Variants in CDH4 observed in about 807,000 individuals in gnomAD.
CDH4 encodes the protein cadherin-4.
Under a neutral mutation model 86.0 loss-of-function variants are expected in CDH4, and 33 were observed. The ratio of observed to expected loss-of-function variants is 0.38; its 90% CI spans 0.29 to 0.51. The LOEUF is 0.51. Ranked by LOEUF, CDH4 falls within the 20% of genes least tolerant of loss-of-function variation. The pLI is 0.86. For synonymous variants in CDH4, 555 were observed against 549.4 expected (o/e 1.01, Z -0.14); for missense variants, 1,114 against 1,307.4 (o/e 0.85, Z 2.28).
chr20:61,797,687 T>C (rs375991355), intron 4 of CDH4, among the ~76,000 whole-genome samples: 1 of 152,270 alleles, frequency 6.6e-6, no homozygotes, highest in East Asian at 1.9e-4. Flanking sequence ...CTCGGGAGGC[T>C]GAGGCAGCAG....
intron 2 of CDH4, among the ~76,000 whole-genome samples, chr20:61,404,525 C>T (rs1034027753): frequency 2.6e-5 from 4 of 152,010 alleles, no homozygotes; most frequent in Non-Finnish European, 5.9e-5. Context: ...GTGGTTATGA[C>T]GATCTGCAAG....
intron 2 of CDH4, among the ~76,000 whole-genome samples, chr20:61,700,238 C>T (rs2087760477): frequency 6.6e-6 from 1 of 152,208 alleles, no homozygotes; most frequent in Non-Finnish European, 1.5e-5. Context: ...TGCCCACAGA[C>T]ATACATTCCC....
chr20:61,818,689 T>A (rs1339860746), intron 4 of CDH4, among the ~76,000 whole-genome samples: 5 of 141,574 alleles, frequency 3.5e-5, no homozygotes, highest in Non-Finnish European at 4.5e-5. Context: ...AACTAAAAAT[T>A]TAAAAAAAAA....
intron 2 of CDH4, among the ~76,000 whole-genome samples, chr20:61,583,812 T>G (rs1568697555): frequency 6.6e-6 from 1 of 152,234 alleles, no homozygotes; most frequent in Admixed American, 6.5e-5. Context: ...TGTCGCTGGA[T>G]GGACCAGCCC....
At chr20:61,284,846 T>C (rs1041945158) in intron 2 of CDH4, among the ~76,000 whole-genome samples, 1 of 152,224 alleles carries the variant, frequency 6.6e-6, no homozygotes, top group Non-Finnish European at 1.5e-5. Flanking sequence ...GGGCCAGATG[T>C]CGGGACCCAC....
intron 2 of CDH4, among the ~76,000 whole-genome samples, chr20:61,665,156 A>G (rs1457546048): frequency 1.3e-5 from 2 of 152,088 alleles, no homozygotes; most frequent in Admixed American, 6.5e-5. Flanking sequence ...CGCAGCCTGA[A>G]GGGCCCGTGT....
intron 2 of CDH4, among the ~76,000 whole-genome samples, chr20:61,632,049 C>T (rs1462143687): frequency 6.6e-6 from 1 of 152,252 alleles, no homozygotes; most frequent in African/African-American, 2.4e-5. Flanking sequence ...GCTCTGCTGA[C>T]ACGTCAGATC....
intron 2 of CDH4, among the ~76,000 whole-genome samples, chr20:61,507,789 A>G (rs1055463203): frequency 1.3e-5 from 2 of 152,210 alleles, no homozygotes; most frequent in Admixed American, 6.5e-5. Flanking sequence ...GACTTCATTA[A>G]TAACAACATA....
intron 4 of CDH4, among the ~76,000 whole-genome samples, chr20:61,795,102 G>GTGGTGATGGTGA (rs1555839647): frequency 9.0e-6 from 1 of 111,156 alleles, no homozygotes; most frequent in Non-Finnish European, 2.0e-5. Context: ...GGTAATGATG[G>GTGGTGATGGTGA]TGATGATGGT....
At chr20:61,704,601 A>G (rs2087810445) in intron 2 of CDH4, among the ~76,000 whole-genome samples, 1 of 152,190 alleles carries the variant, frequency 6.6e-6, no homozygotes. Flanking sequence ...GTGTCGTCTC[A>G]GTGGGTAGAG....
chr20:61,579,850 C>T (rs1054960583), intron 2 of CDH4, among the ~76,000 whole-genome samples: 28 of 152,152 alleles, frequency 1.8e-4, no homozygotes, highest in African/African-American at 6.0e-4. Flanking sequence ...AAACGTCCCT[C>T]TATATTATAG....
At chr20:61,333,389 G>A (rs554154224) in intron 2 of CDH4, among the ~76,000 whole-genome samples, 5 of 152,262 alleles carry the variant, frequency 3.3e-5, no homozygotes, top group African/African-American at 9.6e-5. Context: ...GCAGGGGTGC[G>A]GGTTGTCAAT....
intron 2 of CDH4, among the ~76,000 whole-genome samples, chr20:61,358,450 A>C (rs938848505): frequency 4.6e-5 from 7 of 152,262 alleles, no homozygotes; most frequent in Non-Finnish European, 8.8e-5. Flanking sequence ...GGCCTGGGGC[A>C]GAGCGAACAT....
intron 2 of CDH4, among the ~76,000 whole-genome samples, chr20:61,507,414 T>G (rs1037278693): frequency 2.0e-5 from 3 of 152,184 alleles, no homozygotes; most frequent in African/African-American, 4.8e-5. Flanking sequence ...ATGGAGGGTT[T>G]TCCGGGAGCA....
rs535312671 is a variant in CDH4, at chr20:61,841,895, A to G, written c.577-2773A>G. 6.6e-5 allele frequency among the ~76,000 whole-genome samples: 10 copies of G among 152,238 alleles called. 1 individual carries two copies. The highest frequency in any genetic ancestry group is 1.9e-4 in the African/African-American group (8 of 41,552). On this transcript the variant is annotated intron_variant, in intron 4 of 15. Transcript: ENST00000614565. ...ATGGAAACAGCATCTCCCTCTTCCT[A>G]TACGGAAAACAGCTTTTTTCTATTA...
chr20:61,394,952 AGC>A (rs2085008670), intron 2 of CDH4, among the ~76,000 whole-genome samples: 1 of 144,070 alleles, frequency 6.9e-6, no homozygotes, highest in African/African-American at 2.6e-5. Flanking sequence ...ATCCTGGAAA[AGC>A]GCTCCCTGAG....
intron 9 of CDH4, among the ~76,000 whole-genome samples, chr20:61,917,455 G>A (rs1021749349): frequency 1.3e-5 from 2 of 152,234 alleles, no homozygotes; most frequent in East Asian, 1.9e-4. Context: ...CTTCCCCTTC[G>A]GGCAGCAACA....
intron 2 of CDH4, among the ~76,000 whole-genome samples, chr20:61,644,011 GT>G (rs772150770): frequency 3.9e-5 from 6 of 152,358 alleles, no homozygotes; most frequent in Non-Finnish European, 8.8e-5. Context: ...TTGACAGCCA[GT>G]GAGCAGAGTG....
intron 2 of CDH4, among the ~76,000 whole-genome samples, chr20:61,540,302 C>T (rs1037514889): frequency 1.8e-4 from 27 of 152,252 alleles, no homozygotes; most frequent in African/African-American, 5.5e-4. Context: ...GAAATCCAGC[C>T]AAAAATGTAT....
Sources: gnomAD v4.1 joint callset for allele counts (sites outside exome capture counted in the v4.1 genomes callset) on GRCh38, gnomAD v4.1.1 for gene constraint, MANE v1.5 for transcripts, NCBI Gene and HGNC (gene_info 2026-07-23, HGNC 2026-07-21) for gene names.